PPM1B: variants seen among roughly 807,000 people sequenced by gnomAD.
PPM1B encodes protein phosphatase, Mg2+/Mn2+ dependent 1B.
PPM1B carries 22 observed loss-of-function variants against 43.0 expected under a neutral mutation model. The observed-to-expected ratio is 0.51, with a 90% confidence interval of 0.37 to 0.73. PPM1B has a LOEUF of 0.73. Ranked by LOEUF, PPM1B falls within the 30% of genes least tolerant of loss-of-function variation. PPM1B has a pLI of 0.00. For synonymous variants in PPM1B, 217 were observed against 197.9 expected (o/e 1.10, Z -0.81); for missense variants, 632 against 584.2 (o/e 1.08, Z -0.84).
chr2:44,213,835 G>C (rs1278091873), intron 3 of PPM1B: 3 of 152,138 alleles, frequency 2.0e-5, no homozygotes, highest in Non-Finnish European at 2.9e-5. Context: ...TGTTTTTATA[G>C]GAGTTAATAT....
At chr2:44,231,591 C>A (rs1415560821), downstream of PPM1B, 2 of 445,078 alleles carry the variant, frequency 4.5e-6, no homozygotes, top group Admixed American at 6.4e-5. Context: ...TTTTGGCTTA[C>A]CTTTTTTCAT....
rs370356769 is a variant in PPM1B at position 44,205,783 on chromosome 2, T to C, written c.847-3427T>C. Among the ~76,000 whole-genome samples the C allele has an allele frequency of 9.8e-5, 15 of 152,348 alleles. No individual in the cohort carries two copies. The East Asian group carries it at 1.7e-3, about 18-fold the overall frequency. ...ATATACCATCTACCAGAAGCCTATT[T>C]ATTTTAAAACATGAGATAGTACCTC... On this transcript the variant is annotated intron_variant, in intron 2 of 5. Coordinates refer to ENST00000282412, the MANE Select transcript of PPM1B (RefSeq NM_002706.6).
chr2:44,225,722 T>A (rs185147284), intron 5 of PPM1B, among the ~76,000 whole-genome samples: 199 of 152,314 alleles, frequency 1.3e-3, no homozygotes, highest in African/African-American at 4.5e-3. Context: ...AGTGGTGCAA[T>A]CTCGGCTCAC....
downstream of PPM1B, chr2:44,234,133 T>C (rs1670544907): frequency 1.0e-6 from 1 of 969,352 alleles, no homozygotes; most frequent in Non-Finnish European, 1.2e-6. Context: ...TTGGCATATT[T>C]CTGAAAATTT....
At chr2:44,200,109 A>G (rs1239728259) in intron 1 of PPM1B, among the ~76,000 whole-genome samples, 3 of 152,202 alleles carry the variant, frequency 2.0e-5, no homozygotes, top group Non-Finnish European at 1.5e-5. Flanking sequence ...CATTTTGAGC[A>G]GATATAACAG....
At chr2:44,222,395 GT>G (rs765293618) in intron 5 of PPM1B, among the ~76,000 whole-genome samples, 6 of 152,154 alleles carry the variant, frequency 3.9e-5, no homozygotes, top group Non-Finnish European at 8.8e-5. Context: ...TATTTATAGA[GT>G]TTTATACTTT....
downstream of PPM1B, among the ~76,000 whole-genome samples, chr2:44,237,165 C>T (rs1479188462): frequency 6.6e-6 from 1 of 152,194 alleles, no homozygotes. Context: ...ACAATTTGCA[C>T]TGTCGTTTTT....
chr2:44,233,993 T>C (rs576609123), downstream of PPM1B: 4 of 985,016 alleles, frequency 4.1e-6, no homozygotes, highest in Admixed American at 1.8e-4. Flanking sequence ...CAGTATGATA[T>C]TGTGATGTTT....
At chr2:44,221,584 G>A (rs1268291333) in intron 5 of PPM1B, among the ~76,000 whole-genome samples, 1 of 152,016 alleles carries the variant, frequency 6.6e-6, no homozygotes, top group African/African-American at 2.4e-5. Context: ...TAAAAATTAA[G>A]TTTTTTTAAA....
intron 3 of PPM1B, among the ~76,000 whole-genome samples, chr2:44,215,686 A>G (rs1401085191): frequency 2.0e-5 from 3 of 152,236 alleles, no homozygotes; most frequent in Non-Finnish European, 4.4e-5. Flanking sequence ...GATGAATTAT[A>G]TATTTAATGA....
chr2:44,242,226 A>G (rs1020020153), intron 5 of PPM1B, among the ~76,000 whole-genome samples: 2 of 152,066 alleles, frequency 1.3e-5, no homozygotes, highest in Non-Finnish European at 2.9e-5. Context: ...TTCTTAACAT[A>G]TAAAAGAATG....
intron 5 of PPM1B, among the ~76,000 whole-genome samples, chr2:44,222,955 T>G (rs527927037): frequency 1.3e-5 from 2 of 152,164 alleles, no homozygotes; most frequent in African/African-American, 2.4e-5. Context: ...CTCAGCCTCC[T>G]GAGTAGCTGG....
rs1670455902 is a variant in PPM1B at position 44,231,191 on chromosome 2, T to G, written c.*473T>G. 1 of 984,004 alleles carries G rather than the reference T, an allele frequency of 1.0e-6. No homozygotes were observed. Among genetic ancestry groups the G allele is most frequent in the Admixed American group, 6.1e-5 (1 of 16,280 alleles). 61.0% of individuals were successfully genotyped at this position (984,004 alleles called of 1,614,324 possible). On this transcript the variant is annotated 3_prime_UTR_variant, in exon 6 of 6. Transcript: ENST00000282412. ...GGCTGATGCTGGCCTGTAATTTTTCTTTCAAGGATGATAATTTGTGTGTTG... is the reference window on the plus strand; with the variant it reads ...GGCTGATGCTGGCCTGTAATTTTTCGTTCAAGGATGATAATTTGTGTGTTG...
chr2:44,233,621 T>G, downstream of PPM1B: 2 of 985,814 alleles, frequency 2.0e-6, 1 homozygote, highest in South Asian at 9.4e-5. Flanking sequence ...GTAATTGCCC[T>G]TGTGTGTAGT....
chr2:44,176,063 C>T (rs758123436), intron 1 of PPM1B, among the ~76,000 whole-genome samples: 1 of 152,106 alleles, frequency 6.6e-6, no homozygotes, highest in Non-Finnish European at 1.5e-5. Flanking sequence ...GGATTACAGG[C>T]GTGAGTCACC....
intron 1 of PPM1B, among the ~76,000 whole-genome samples, chr2:44,185,065 A>G (rs1668056762): frequency 6.6e-6 from 1 of 151,554 alleles, no homozygotes; most frequent in Admixed American, 6.6e-5. Flanking sequence ...TGGGTTTTAT[A>G]GTAATCCTAA....
chr2:44,216,048 A>AGGAGTTT (rs988030701), intron 3 of PPM1B, among the ~76,000 whole-genome samples: 1 of 152,218 alleles, frequency 6.6e-6, no homozygotes, highest in African/African-American at 2.4e-5. Flanking sequence ...ATATCATGTG[A>AGGAGTTT]GGACTTTGGA....
intron 5 of PPM1B, among the ~76,000 whole-genome samples, chr2:44,242,376 A>G (rs1323173860): frequency 6.6e-6 from 1 of 152,198 alleles, no homozygotes; most frequent in Non-Finnish European, 1.5e-5. Context: ...AGATATTGGG[A>G]AAAGGAGCTT....
At chr2:44,188,170 A>G (rs988157251) in intron 1 of PPM1B, among the ~76,000 whole-genome samples, 2 of 152,104 alleles carry the variant, frequency 1.3e-5, no homozygotes, top group Non-Finnish European at 2.9e-5. Context: ...AAGAAGGGGG[A>G]TGGATTGAGG....
Sources: gnomAD v4.1 joint callset for allele counts (sites outside exome capture counted in the v4.1 genomes callset) on GRCh38, gnomAD v4.1.1 for gene constraint, MANE v1.5 for transcripts, NCBI Gene and HGNC (gene_info 2026-07-23, HGNC 2026-07-21) for gene names.